TTC28: variants seen among roughly 807,000 people sequenced by gnomAD.
The protein encoded by TTC28 is tetratricopeptide repeat domain 28, also known as tetratricopeptide repeat protein 28.
Under a neutral mutation model 198.0 loss-of-function variants are expected in TTC28, and 61 were observed. That is an observed-to-expected ratio of 0.31 (90% CI 0.25 to 0.38). The LOEUF (loss-of-function observed/expected upper bound fraction) is 0.38. Ranked by LOEUF, TTC28 falls within the 10% of genes least tolerant of loss-of-function variation. The pLI, the probability that TTC28 is intolerant of heterozygous loss-of-function variation, is 1.00. For synonymous variants in TTC28, 1,171 were observed against 1,297.8 expected (o/e 0.90, Z 2.10); for missense variants, 2,678 against 3,164.0 (o/e 0.85, Z 3.69).
chr22:28,320,110 G>T (rs1465806653), intron 2 of TTC28, among the ~76,000 whole-genome samples: 1 of 151,848 alleles, frequency 6.6e-6, no homozygotes, highest in African/African-American at 2.4e-5. Flanking sequence ...TCTGGTTCTG[G>T]TCTTACCATA....
intron 2 of TTC28, among the ~76,000 whole-genome samples, chr22:28,627,078 T>C (rs998951517): frequency 2.0e-5 from 3 of 152,146 alleles, no homozygotes; most frequent in African/African-American, 7.2e-5. Context: ...TCTCCATATT[T>C]ATAAGGCTCA....
intron 2 of TTC28, among the ~76,000 whole-genome samples, chr22:28,549,407 A>C (rs1000258608): frequency 1.6e-4 from 24 of 152,182 alleles, no homozygotes; most frequent in African/African-American, 5.5e-4. Flanking sequence ...TATTACATTT[A>C]AGGGCTCTAA....
At chr22:28,613,578 G>GC (rs1688775452) in intron 2 of TTC28, among the ~76,000 whole-genome samples, 1 of 152,158 alleles carries the variant, frequency 6.6e-6, no homozygotes, top group African/African-American at 2.4e-5. Context: ...AAATCCAGCA[G>GC]CACATCACAA....
At chr22:28,648,203 G>A (rs1387000698) in intron 1 of TTC28, among the ~76,000 whole-genome samples, 10 of 133,112 alleles carry the variant, frequency 7.5e-5, no homozygotes, top group Non-Finnish European at 1.2e-4. Context: ...CAGCCTGGGC[G>A]ACCAAACGAG....
At chr22:28,518,585 G>A (rs6005793) in intron 2 of TTC28, among the ~76,000 whole-genome samples, 6,715 of 152,172 alleles carry the variant, frequency 0.044, 169 homozygotes, top group African/African-American at 0.059. Flanking sequence ...TACAGCCTAC[G>A]TGACAGAGTA....
At chr22:28,350,183 A>T (rs1400407062) in intron 2 of TTC28, among the ~76,000 whole-genome samples, 6 of 152,226 alleles carry the variant, frequency 3.9e-5, no homozygotes, top group Non-Finnish European at 8.8e-5. Context: ...GCAGTACTGA[A>T]GAGGCAAGTT....
At chr22:28,210,358 G>T (rs183069180) in intron 5 of TTC28, among the ~76,000 whole-genome samples, 1 of 152,092 alleles carries the variant, frequency 6.6e-6, no homozygotes, top group Non-Finnish European at 1.5e-5. Flanking sequence ...AACTAAAGGA[G>T]GATGTTCGAA....
At chr22:28,176,723 AT>A (rs1423376786) in intron 5 of TTC28, among the ~76,000 whole-genome samples, 1 of 152,214 alleles carries the variant, frequency 6.6e-6, no homozygotes, top group Non-Finnish European at 1.5e-5. Context: ...AGAGAAATAC[AT>A]TTTTTAATGA....
chr22:27,988,261 C>T (rs1212586437), intron 21 of TTC28, among the ~76,000 whole-genome samples: 1 of 151,060 alleles, frequency 6.6e-6, no homozygotes, highest in East Asian at 1.9e-4. Context: ...ACAGTGGGAC[C>T]CCGAGCGAGA....
At chr22:28,239,647 A>G (rs1306627280) in intron 5 of TTC28, among the ~76,000 whole-genome samples, 1 of 152,268 alleles carries the variant, frequency 6.6e-6, no homozygotes, top group African/African-American at 2.4e-5. Context: ...ACAGACACAG[A>G]GAGGTTATTG....
chr22:28,602,096 A>G (rs1307282193), intron 2 of TTC28, among the ~76,000 whole-genome samples: 1 of 152,192 alleles, frequency 6.6e-6, no homozygotes, highest in East Asian at 1.9e-4. Flanking sequence ...CAGGTTAGGT[A>G]CTATGGGCAA....
chr22:28,003,288 G>T (rs964891623), intron 14 of TTC28, among the ~76,000 whole-genome samples: 1 of 152,150 alleles, frequency 6.6e-6, no homozygotes, highest in African/African-American at 2.4e-5. Flanking sequence ...CGAACCAGCC[G>T]CAGTGGCACA....
intron 6 of TTC28, among the ~76,000 whole-genome samples, chr22:28,127,935 C>A (rs1388774044): frequency 6.7e-6 from 1 of 148,934 alleles, no homozygotes; most frequent in Admixed American, 6.7e-5. Flanking sequence ...CATTATATTG[C>A]CCAGACTGGT....
intron 2 of TTC28, among the ~76,000 whole-genome samples, chr22:28,413,165 G>A (rs1258364640): frequency 6.6e-6 from 1 of 152,144 alleles, no homozygotes; most frequent in East Asian, 1.9e-4. Flanking sequence ...GCCGGGCGCG[G>A]TGCCTCACGC....
intron 5 of TTC28, among the ~76,000 whole-genome samples, chr22:28,283,665 T>TGAAATTTCATTTTAAAA (rs776746315): frequency 8.1e-4 from 124 of 152,216 alleles, no homozygotes; most frequent in Non-Finnish European, 1.2e-3. Context: ...TCACAAAAAA[T>TGAAATTTCATTTTAAAA]GAAATTTCAT....
At chr22:28,140,835 T>C (rs1023633420) in intron 6 of TTC28, among the ~76,000 whole-genome samples, 2 of 152,204 alleles carry the variant, frequency 1.3e-5, no homozygotes, top group Non-Finnish European at 2.9e-5. Context: ...AGACTTGATT[T>C]TTTTACTTGG....
rs1471444567 is a variant in TTC28 at position 28,512,306 on chromosome 22, G to C, written c.381+117246C>G. Among the ~76,000 whole-genome samples the C allele has an allele frequency of 6.6e-5, 10 of 152,184 alleles. No homozygotes were observed. The Middle Eastern group carries it at 0.01, about 155-fold the overall frequency. ...CAGTCAAAAAACAGCAGAGAAAAAGGAACACTTTTACACTGTTGGTAGAGT... is the reference window on the plus strand; with the variant it reads ...CAGTCAAAAAACAGCAGAGAAAAAGCAACACTTTTACACTGTTGGTAGAGT... On this transcript the variant is annotated intron_variant, in intron 2 of 22. Coordinates refer to ENST00000397906, the MANE Select transcript of TTC28 (RefSeq NM_001145418.2).
At chr22:28,441,496 T>C (rs1346882434) in intron 2 of TTC28, among the ~76,000 whole-genome samples, 1 of 152,166 alleles carries the variant, frequency 6.6e-6, no homozygotes, top group African/African-American at 2.4e-5. Context: ...ATGAGAACTA[T>C]TATAATATAT....
intron 5 of TTC28, among the ~76,000 whole-genome samples, chr22:28,224,630 T>C (rs569316677): frequency 5.3e-5 from 8 of 152,272 alleles, no homozygotes; most frequent in Admixed American, 2.6e-4. Flanking sequence ...ATTTGGTCCA[T>C]GTGCACAGAG....
Sources: allele counts gnomAD v4.1 joint callset (sites outside exome capture counted in the v4.1 genomes callset), GRCh38; gene constraint gnomAD v4.1.1; transcripts MANE v1.5; gene names NCBI Gene and HGNC (gene_info 2026-07-23, HGNC 2026-07-21).